AKAP13: variants seen among roughly 807,000 people sequenced by gnomAD.
The protein encoded by AKAP13 is A-kinase anchoring protein 13, also known as A-kinase anchor protein 13.
A neutral mutation model predicts 264.5 loss-of-function variants in AKAP13; 80 were observed. The ratio of observed to expected loss-of-function variants is 0.30; its 90% CI spans 0.25 to 0.36. AKAP13 has a LOEUF of 0.36. Ranked by LOEUF, AKAP13 falls within the 10% of genes least tolerant of loss-of-function variation. The pLI, the probability that AKAP13 is intolerant of heterozygous loss-of-function variation, is 1.00. For missense variants in AKAP13, 3,712 were observed against 3,435.2 expected, an observed-to-expected ratio of 1.08 and a Z score of -2.01; for synonymous variants, 1,380 against 1,250.2, an observed-to-expected ratio of 1.10 and a Z score of -2.19.
At chr15:85,596,714 G>A (rs2079839776) in intron 8 of AKAP13, among the ~76,000 whole-genome samples, 3 of 152,178 alleles carry the variant, frequency 2.0e-5, no homozygotes, top group Non-Finnish European at 4.4e-5. Flanking sequence ...TTCTCTAACA[G>A]TTTGAACTAA....
intron 1 of AKAP13, among the ~76,000 whole-genome samples, chr15:85,428,676 A>C (rs368124201): frequency 1.3e-5 from 2 of 152,276 alleles, no homozygotes; most frequent in South Asian, 4.1e-4. Context: ...GGACATATAA[A>C]ATTTCTTGGC....
chr15:85,525,539 G>A (rs1177176382), intron 3 of AKAP13, among the ~76,000 whole-genome samples: 1 of 152,216 alleles, frequency 6.6e-6, no homozygotes, highest in African/African-American at 2.4e-5. Flanking sequence ...AAACACCTAT[G>A]AAAGTGGCTA....
rs189045174 is a variant in AKAP13 at position 85,653,661 on chromosome 15, T to A, written c.4375-1756T>A. 3.9e-5 allele frequency among the ~76,000 whole-genome samples: 6 copies of A among 152,350 alleles called. No individual in the cohort carries two copies. In the East Asian group the frequency reaches 1.2e-3, roughly 29 times the overall value. On this transcript the variant is annotated intron_variant, in intron 10 of 36. Coordinates refer to ENST00000394518, the MANE Select transcript of AKAP13 (RefSeq NM_007200.5). ...GAAAGATTTTCATAATTTTTTTCTCTTTCTTGAAGAACCATAATTTTTTTT... is the reference window on the plus strand; with the variant it reads ...GAAAGATTTTCATAATTTTTTTCTCATTCTTGAAGAACCATAATTTTTTTT...
intron 8 of AKAP13, among the ~76,000 whole-genome samples, chr15:85,594,847 T>C (rs1034071239): frequency 1.3e-5 from 2 of 152,228 alleles, no homozygotes; most frequent in Non-Finnish European, 2.9e-5. Flanking sequence ...TCTAGTGATA[T>C]GTCGCTAGTT....
chr15:85,479,963 C>T lies in AKAP13; in HGVS notation c.-11-5747C>T, dbSNP rs548019810. Among the ~76,000 whole-genome samples the T allele has an allele frequency of 3.3e-5, 5 of 152,164 alleles. No homozygotes were observed. In the East Asian group the frequency reaches 9.7e-4, roughly 29 times the overall value. On this transcript the variant is annotated intron_variant, in intron 1 of 36. Transcript: ENST00000394518. Reference sequence around the variant, plus strand: ...TCTTCAGTTTTACACATTTAGGAAACAGTGTCTTTTTACTTATTTCCAGTA... The same window carrying T: ...TCTTCAGTTTTACACATTTAGGAAATAGTGTCTTTTTACTTATTTCCAGTA...
chr15:85,495,034 G>A (rs2075832736), intron 2 of AKAP13, among the ~76,000 whole-genome samples: 1 of 152,090 alleles, frequency 6.6e-6, no homozygotes, highest in African/African-American at 2.4e-5. Context: ...CTATAGTGAA[G>A]GAAGTAGTCA....
intron 1 of AKAP13, among the ~76,000 whole-genome samples, chr15:85,396,456 A>C (rs1264380140): frequency 6.6e-6 from 1 of 152,186 alleles, no homozygotes; most frequent in Non-Finnish European, 1.5e-5. Context: ...CATTACCCAG[A>C]TTCTAGCAAG....
At chr15:85,555,481 G>T in intron 5 of AKAP13, 1 of 1,286,352 alleles carries the variant, frequency 7.8e-7, no homozygotes, top group Non-Finnish European at 1.0e-6. Context: ...GGGGTGCTTG[G>T]GCAGCCATGT....
chr15:85,603,735 A>G (rs2080194751), intron 8 of AKAP13, among the ~76,000 whole-genome samples: 1 of 152,172 alleles, frequency 6.6e-6, no homozygotes, highest in Admixed American at 6.5e-5. Flanking sequence ...CCTGAAATGC[A>G]TCTCTGGAGT....
intron 15 of AKAP13, among the ~76,000 whole-genome samples, chr15:85,684,037 A>G (rs369848040): frequency 6.6e-6 from 1 of 152,098 alleles, no homozygotes; most frequent in African/African-American, 2.4e-5. Context: ...TGTGATCTCT[A>G]CCGTTAAGGA....
chr15:85,641,156 T>C (rs1232150775), intron 9 of AKAP13, among the ~76,000 whole-genome samples: 1 of 152,014 alleles, frequency 6.6e-6, no homozygotes, highest in Admixed American at 6.6e-5. Flanking sequence ...AAATAAGATA[T>C]TGTCTTTTGG....
chr15:85,627,260 A>C lies in AKAP13; in HGVS notation c.4162-12114A>C, dbSNP rs539678556. Among the ~76,000 whole-genome samples the C allele has an allele frequency of 3.9e-5, 6 of 152,286 alleles. No homozygotes were observed. The South Asian group carries it at 1.2e-3, about 32-fold the overall frequency. ...AGGACATATTGTTATTTCAAACTCA[A>C]CATGGGCAAATGGAGTACATCATCT... On this transcript the variant is annotated intron_variant, in intron 8 of 36. Transcript: ENST00000394518.
At chr15:85,476,986 A>C (rs998289581) in intron 1 of AKAP13, among the ~76,000 whole-genome samples, 4 of 152,052 alleles carry the variant, frequency 2.6e-5, no homozygotes, top group African/African-American at 9.7e-5. Context: ...TGGAGGTTGG[A>C]AGCTCTAGGA....
intron 3 of AKAP13, among the ~76,000 whole-genome samples, 196 bp downstream of exon 3, chr15:85,521,771 A>G (rs2076831516): frequency 6.6e-6 from 1 of 152,198 alleles, no homozygotes; most frequent in South Asian, 2.1e-4. Context: ...GTGCCATTTT[A>G]TGTATATTAC....
Position 85,727,225 on chromosome 15 carries a change from A to T in AKAP13, c.6982A>T (p.Ile2328Phe). 1 of 1,614,224 alleles carries T rather than the reference A, an allele frequency of 6.2e-7. No individual in the cohort carries two copies. Among genetic ancestry groups the T allele is most frequent in the Non-Finnish European group, 8.5e-7 (1 of 1,180,040 alleles). ...KEERNSWIQI[I>F]QDTINTLNRD... The stretch of plus-strand genomic sequence containing the variant: ...GGAACGAAACAGCTGGATTCAGATC[A>T]TTCAGGACACAATCAACACCCTGTA... Residue 2328 changes from isoleucine to phenylalanine, a missense_variant, in exon 28 of 37, where the codon ATT (isoleucine) becomes TTT (phenylalanine). Transcript: ENST00000394518. The surrounding 1 kb of genome is among the most constrained non-coding windows in gnomAD (Gnocchi z 5.3).
At chr15:85,682,611 G>C (rs1396109740) in intron 15 of AKAP13, among the ~76,000 whole-genome samples, 3 of 152,052 alleles carry the variant, frequency 2.0e-5, no homozygotes, top group Non-Finnish European at 4.4e-5. Context: ...CTTTAAAGCT[G>C]TTTTCTTCTG....
At chr15:85,481,691 T>G (rs1340723721) in intron 1 of AKAP13, among the ~76,000 whole-genome samples, 1 of 152,238 alleles carries the variant, frequency 6.6e-6, no homozygotes, top group African/African-American at 2.4e-5. Context: ...CTGAACATAC[T>G]TAAAACCACA....
intron 35 of AKAP13, 79 bp downstream of exon 35, chr15:85,741,574 T>G (rs1026312737): frequency 7.5e-6 from 11 of 1,468,228 alleles, no homozygotes; most frequent in Non-Finnish European, 9.9e-6. Flanking sequence ...GGTAAGAAAG[T>G]GAGCAGAAAT....
At chr15:85,428,763 C>T (rs1298076317) in intron 1 of AKAP13, among the ~76,000 whole-genome samples, 4 of 152,252 alleles carry the variant, frequency 2.6e-5, no homozygotes, top group Admixed American at 2.0e-4. Context: ...GGGTTGTCTA[C>T]AGGAAAAACA....
Sources: allele counts gnomAD v4.1 joint callset (sites outside exome capture counted in the v4.1 genomes callset), GRCh38; gene constraint gnomAD v4.1.1; non-coding constraint Gnocchi (gnomAD v3.1); transcripts MANE v1.5; gene names NCBI Gene and HGNC (gene_info 2026-07-23, HGNC 2026-07-21).